The following RAB15 variants were observed in gnomAD, a reference collection of about 807,000 sequenced individuals.
The protein encoded by RAB15 is ras-related protein Rab-15.
Under a neutral mutation model 31.8 loss-of-function variants are expected in RAB15, and 13 were observed. That is an observed-to-expected ratio of 0.41 (90% CI 0.27 to 0.65). The LOEUF is 0.65. Among genes scored for constraint, RAB15 ranks in the 30% least tolerant of loss-of-function variants. RAB15 has a pLI of 0.32. For missense variants in RAB15, 220 were observed against 277.3 expected (o/e 0.79, Z 1.47); for synonymous variants, 100 against 105.6 (o/e 0.95, Z 0.33).
chr14:64,966,221 C>G (rs1020552715), intron 1 of RAB15, among the ~76,000 whole-genome samples: 3 of 152,194 alleles, frequency 2.0e-5, no homozygotes, highest in Non-Finnish European at 4.4e-5. Flanking sequence ...CACTGTGTCC[C>G]CAAATCTTAG....
Position 64,951,118 on chromosome 14 carries a change from G to A in RAB15, c.280C>T (p.Arg94Cys), listed in dbSNP as rs367753617. Reference sequence around the variant, plus strand: ...CACTTCATGATGTGCTGGTAAGAGCGCTCGCTGCTAATGTCATAGACCAAA... The same window carrying A: ...CACTTCATGATGTGCTGGTAAGAGCACTCGCTGCTAATGTCATAGACCAAA... ...IFLVYDISSERSYQHIMKWVS... is the reference protein window; with the variant it reads ...IFLVYDISSECSYQHIMKWVS... The change falls in exon 4 of 7, where the codon CGC (arginine) becomes TGC (cysteine). Residue 94 changes from arginine (R) to cysteine (C), a missense_variant. By Grantham distance (180) the Arg-to-Cys change is radical. Coordinates refer to ENST00000533601, the MANE Select transcript of RAB15 (RefSeq NM_001308154.2). This position sits in a 1 kb window ranked among gnomAD's most constrained non-coding sequence, Gnocchi z 7.2. 3.2e-5 allele frequency: 51 copies of A among 1,612,404 alleles called. No individual in the cohort carries two copies. Among genetic ancestry groups the A allele is most frequent in the African/African-American group, 2.9e-4 (22 of 74,878 alleles).
chr14:64,956,366 A>T (rs1487755441), intron 1 of RAB15, among the ~76,000 whole-genome samples: 1 of 151,178 alleles, frequency 6.6e-6, no homozygotes, highest in Non-Finnish European at 1.5e-5. Context: ...AGCTGAGATC[A>T]TGCCACTGCA....
chr14:64,953,784 T>C lies in RAB15; in HGVS notation c.125-1213A>G. On this transcript the variant is annotated intron_variant, in intron 1 of 6. Transcript: ENST00000533601. This position sits in a 1 kb window ranked among gnomAD's most constrained non-coding sequence, Gnocchi z 4.6. ...GCTACGTCTGGTGGGTTAATTAAGC[T>C]TACGTCTTTGTGTACTCCCTGGAGC... 1 of 985,268 alleles carries C rather than the reference T, an allele frequency of 1.0e-6. No individual in the cohort carries two copies. The highest frequency in any genetic ancestry group is 1.2e-6 in the Non-Finnish European group (1 of 829,830). The allele number at this position is 985,268 out of a possible 1,614,324, so 61.0% of individuals were successfully genotyped here.
At chr14:64,967,831 G>T (rs1293593580) in intron 1 of RAB15, among the ~76,000 whole-genome samples, 1 of 152,162 alleles carries the variant, frequency 6.6e-6, no homozygotes, top group Non-Finnish European at 1.5e-5. Context: ...AGGGAAAGTA[G>T]AACAACTGAC....
chr14:64,957,341 C>T (rs942304253), intron 1 of RAB15, among the ~76,000 whole-genome samples: 1 of 152,124 alleles, frequency 6.6e-6, no homozygotes, highest in Non-Finnish European at 1.5e-5. Flanking sequence ...CCTCTCACTC[C>T]TACCTTCCCT....
At position 64,950,752 on chromosome 14, in the gene RAB15, G is replaced by C; in HGVS notation, c.324+322C>G. On this transcript the variant is annotated intron_variant, in intron 4 of 6. Coordinates refer to ENST00000533601, the MANE Select transcript of RAB15 (RefSeq NM_001308154.2). The surrounding 1 kb of genome is among the most constrained non-coding windows in gnomAD (Gnocchi z 5.6). ...TCAAATGGCTTCCCAAGGCTCCACA[G>C]CTATTGTGCAGAGCCAGGACTAGAT... 1.7e-6 allele frequency: 1 copy of C among 601,742 alleles called. No homozygotes were observed. The highest frequency in any genetic ancestry group is 3.0e-6 in the Non-Finnish European group (1 of 338,434). 37.3% of individuals were successfully genotyped at this position (601,742 alleles called of 1,614,324 possible).
At chr14:64,949,722 C>CAAAAA (rs200189142) in intron 5 of RAB15, among the ~76,000 whole-genome samples, 1 of 85,350 alleles carries the variant, frequency 1.2e-5, no homozygotes, top group Non-Finnish European at 2.4e-5. Context: ...GACTCCATCT[C>CAAAAA]AAAAAAAAAA....
At position 64,954,918 on chromosome 14, in the gene RAB15, G is replaced by T. The variant is rs1594939403; in HGVS notation, c.125-2347C>A. Among the ~76,000 whole-genome samples, 1 of 152,156 alleles carries T rather than the reference G, an allele frequency of 6.6e-6. No homozygotes were observed. The highest frequency in any genetic ancestry group is 1.5e-5 in the Non-Finnish European group (1 of 68,038). On this transcript the variant is annotated intron_variant, in intron 1 of 6. Coordinates refer to ENST00000533601, the MANE Select transcript of RAB15 (RefSeq NM_001308154.2). The surrounding 1 kb of genome is among the most constrained non-coding windows in gnomAD (Gnocchi z 4.3). ...TCCCTGTGAGAGAAGAGGGGATGGA[G>T]GGAGAGGTGAAAGCAGGCAACTGTC...
Position 64,953,990 on chromosome 14 carries a change from C to G in RAB15, c.125-1419G>C, listed in dbSNP as rs1886406276. On this transcript the variant is annotated intron_variant, in intron 1 of 6. Coordinates refer to ENST00000533601, the MANE Select transcript of RAB15 (RefSeq NM_001308154.2). The surrounding 1 kb of genome is among the most constrained non-coding windows in gnomAD (Gnocchi z 4.6). ...CCAAATGGGAGACATCTTCCCTTAT[C>G]TGTGCTGTCCCCAGCTTTCTACAAA... 3 of 985,336 alleles carry G rather than the reference C, an allele frequency of 3.0e-6. No individual in the cohort carries two copies. In the South Asian group the frequency reaches 1.4e-4, roughly 46 times the overall value. 61.0% of individuals were successfully genotyped at this position (985,336 alleles called of 1,614,324 possible). A position where few individuals can be genotyped will look rare whatever the true frequency, so the allele number is the denominator to read the frequency against.
At position 64,958,219 on chromosome 14, in the gene RAB15, G is replaced by A. The variant is rs1025018341; in HGVS notation, c.125-5648C>T. On this transcript the variant is annotated intron_variant, in intron 1 of 6. Transcript: ENST00000533601. The surrounding 1 kb of genome is among the most constrained non-coding windows in gnomAD (Gnocchi z 4.4). ...CCGCTGCTGTGGTCTGAAGGTCTGT[G>A]TTCCTCCAAAATTCCCATATTGAAA... 2.6e-5 allele frequency: 4 copies of A among 152,308 alleles called. No individual in the cohort carries two copies. The highest frequency in any genetic ancestry group is 5.9e-5 in the Non-Finnish European group (4 of 68,118). 9.4% of individuals were successfully genotyped at this position (152,308 alleles called of 1,614,324 possible).
intron 5 of RAB15, among the ~76,000 whole-genome samples, chr14:64,949,343 T>C (rs1294489215): frequency 6.6e-6 from 1 of 152,238 alleles, no homozygotes; most frequent in Non-Finnish European, 1.5e-5. Flanking sequence ...CAATTTCATT[T>C]TAAGTACTAA....
Position 64,948,430 on chromosome 14 carries a change from A to G in RAB15, c.563T>C (p.Leu188Ser), listed in dbSNP as rs916242151. 3.7e-6 allele frequency: 6 copies of G among 1,613,792 alleles called. No homozygotes were observed. The highest frequency in any genetic ancestry group is 5.1e-6 in the Non-Finnish European group (6 of 1,179,898). Reference protein sequence around the residue: ...EGLRMRASNELALAELEEEEG... With the variant: ...EGLRMRASNESALAELEEEEG... Reference sequence around the variant, plus strand: ...CTCCTCCTCCAGCTCTGCCAGTGCCAACTCATTGCTGGCACGCATCCGGAG... The same window carrying G: ...CTCCTCCTCCAGCTCTGCCAGTGCCGACTCATTGCTGGCACGCATCCGGAG... The change falls in exon 7 of 7, where the codon TTG becomes TCG. Residue 188 changes from leucine (L) to serine (S), a missense_variant. Physicochemically the swap from Leu to Ser is moderately radical, Grantham distance 145. Transcript: ENST00000533601. The surrounding 1 kb of genome is among the most constrained non-coding windows in gnomAD (Gnocchi z 7.0).
At position 64,948,879 on chromosome 14, in the gene RAB15, G is replaced by T; in HGVS notation, c.415-146C>A. On this transcript the variant is annotated intron_variant, in intron 5 of 6. Coordinates refer to ENST00000533601, the MANE Select transcript of RAB15 (RefSeq NM_001308154.2). This position sits in a 1 kb window ranked among gnomAD's most constrained non-coding sequence, Gnocchi z 7.0. ...TAGATAATTTCTCAGATGGGACTGG[G>T]AGCTCCAAGAGAGGGTAGCAGAGAA... 1 of 696,078 alleles carries T rather than the reference G, an allele frequency of 1.4e-6. No individual in the cohort carries two copies. Among genetic ancestry groups the T allele is most frequent in the African/African-American group, 1.8e-5 (1 of 56,046 alleles). 43.1% of individuals were successfully genotyped at this position (696,078 alleles called of 1,614,324 possible). A position where few individuals can be genotyped will look rare whatever the true frequency, so the allele number is the denominator to read the frequency against.
rs749937244 is a variant in RAB15, at chr14:64,948,393, G to A, written c.600C>T (p.Pro200=). Residue 200 remains proline (P), a synonymous_variant, in exon 7 of 7, where the codon CCC becomes CCT. Transcript: ENST00000533601. This position sits in a 1 kb window ranked among gnomAD's most constrained non-coding sequence, Gnocchi z 7.0. The part of the protein sequence containing the change: ...LAELEEEEGK[P]EGPANSSKTC... ...TTTTCGAAGAGTTCGCTGGGCCCTC[G>A]GGTTTGCCCTCCTCCTCCTCCAGCT... 615 of 1,610,066 alleles carry A rather than the reference G, an allele frequency of 3.8e-4. No individual in the cohort carries two copies. Among genetic ancestry groups the A allele is most frequent in the Non-Finnish European group, 4.8e-4 (571 of 1,178,718 alleles).
Position 64,952,353 on chromosome 14 carries a change from T to A in RAB15, c.185+158A>T, listed in dbSNP as rs78445830. Among the ~76,000 whole-genome samples, 1,642 of 152,308 alleles carry A rather than the reference T, an allele frequency of 0.011. 20 individuals are homozygous for A. Among genetic ancestry groups the A allele is most frequent in the African/African-American group, 0.038 (1,574 of 41,556 alleles). ...CTTAGAGGTTGGAGATTAAGGCTTA[T>A]AGGAAGAGATGGGCTTCTGAGACTT... On this transcript the variant is annotated intron_variant, in intron 2 of 6. Transcript: ENST00000533601. This position sits in a 1 kb window ranked among gnomAD's most constrained non-coding sequence, Gnocchi z 4.2.
At position 64,971,728 on chromosome 14, in the gene RAB15, C is replaced by G. The variant is rs1192344263; in HGVS notation, c.124+225G>C. ...CGGTTTGATGGGACGGAAGGCTTCCCGGCAAGAGGCGGGAGACCCCACCCC... is the reference window on the plus strand; with the variant it reads ...CGGTTTGATGGGACGGAAGGCTTCCGGGCAAGAGGCGGGAGACCCCACCCC... On this transcript the variant is annotated intron_variant, in intron 1 of 6. Coordinates refer to ENST00000533601, the MANE Select transcript of RAB15 (RefSeq NM_001308154.2). This position sits in a 1 kb window ranked among gnomAD's most constrained non-coding sequence, Gnocchi z 4.1. The G allele has an allele frequency of 1.8e-6, 1 of 561,184 alleles. No homozygotes were observed. Among genetic ancestry groups the G allele is most frequent in the Non-Finnish European group, 3.2e-6 (1 of 314,386 alleles). The allele number at this position is 561,184 out of a possible 1,614,324, so 34.8% of individuals were successfully genotyped here. A position where few individuals can be genotyped will look rare whatever the true frequency, so the allele number is the denominator to read the frequency against.
intron 1 of RAB15, among the ~76,000 whole-genome samples, chr14:64,969,992 G>A (rs1490665837): frequency 6.6e-6 from 1 of 152,176 alleles, no homozygotes; most frequent in Non-Finnish European, 1.5e-5. Flanking sequence ...TCTCCCAGGG[G>A]AGGCTGCCTC....
At position 64,948,621 on chromosome 14, in the gene RAB15, C is replaced by G. The variant is rs1886054374; in HGVS notation, c.480+47G>C. On this transcript the variant is annotated intron_variant, in intron 6 of 6. Coordinates refer to ENST00000533601, the MANE Select transcript of RAB15 (RefSeq NM_001308154.2). The surrounding 1 kb of genome is among the most constrained non-coding windows in gnomAD (Gnocchi z 7.0). ...CTTATGGCTCCTCCTCCCACCTCTG[C>G]TGGACTCAGCCCGAGAGAGCGGGCG... The G allele has an allele frequency of 6.2e-7, 1 of 1,612,524 alleles. No individual in the cohort carries two copies. The highest frequency in any genetic ancestry group is 1.1e-5 in the South Asian group (1 of 91,008).
intron 5 of RAB15, among the ~76,000 whole-genome samples, chr14:64,949,324 CCAAA>C (rs1316525475): frequency 1.3e-5 from 2 of 152,318 alleles, no homozygotes; most frequent in African/African-American, 4.8e-5. Context: ...ATATTTTATA[CCAAA>C]CAATCAATTT....
Sources: gnomAD v4.1 joint callset for allele counts (sites outside exome capture counted in the v4.1 genomes callset) on GRCh38, gnomAD v4.1.1 for gene constraint, Gnocchi (gnomAD v3.1) non-coding constraint, MANE v1.5 for transcripts, NCBI Gene and HGNC (gene_info 2026-07-23, HGNC 2026-07-21) for gene names.